The following LINGO2 variants were observed in gnomAD, a reference collection of about 807,000 sequenced individuals.
LINGO2 encodes the protein leucine-rich repeat and immunoglobulin-like domain-containing nogo receptor-interacting protein 2.
A neutral mutation model predicts 30.6 loss-of-function variants in LINGO2; 14 were observed. That is an observed-to-expected ratio of 0.46 (90% CI 0.30 to 0.72). The LOEUF (loss-of-function observed/expected upper bound fraction) is 0.72. Ranked by LOEUF, LINGO2 falls within the 30% of genes least tolerant of loss-of-function variation. LINGO2 has a pLI of 0.07. For synonymous variants in LINGO2, 317 were observed against 288.5 expected, an observed-to-expected ratio of 1.10 and a Z score of -1.00; for missense variants, 729 against 751.7, an observed-to-expected ratio of 0.97 and a Z score of 0.35.
chr9:28,858,274 T>G, the LINGO2 span, among the ~76,000 whole-genome samples: 2 of 152,022 alleles, frequency 1.3e-5, no homozygotes, highest in African/African-American at 4.8e-5. Flanking sequence ...GATTTCTGAC[T>G]TCACAGATTC....
chr9:28,012,260 G>A (rs931585228), intron 5 of LINGO2: 1 of 152,118 alleles, frequency 6.6e-6, no homozygotes, highest in African/African-American at 2.4e-5. Context: ...CTACACATGG[G>A]GAGGATGTGA....
chr9:28,837,064 T>C, the LINGO2 span, among the ~76,000 whole-genome samples: 2 of 152,358 alleles, frequency 1.3e-5, no homozygotes, highest in East Asian at 3.9e-4. Flanking sequence ...TTTGTGAGTA[T>C]GATTTTGAAC....
chr9:29,064,331 GC>G, the LINGO2 span, among the ~76,000 whole-genome samples: 5 of 151,874 alleles, frequency 3.3e-5, no homozygotes, highest in South Asian at 8.3e-4. Flanking sequence ...AGTTTTAAAT[GC>G]CTTCATAGAT....
chr9:28,080,289 C>T lies in LINGO2; in HGVS notation c.-86-67884G>A, dbSNP rs565502777. ...AAATTTCTACCATGGCATATGACCT[C>T]CTACCTGATCGGGTCTGGTGGAGTT... On this transcript the variant is annotated intron_variant, in intron 4 of 5. Transcript: ENST00000379992. Among the ~76,000 whole-genome samples, 19 of 152,288 alleles carry T rather than the reference C, an allele frequency of 1.2e-4. No homozygotes were observed. The East Asian group carries it at 3.5e-3, about 28-fold the overall frequency.
At chr9:28,390,419 T>C (rs1484218669) in intron 2 of LINGO2, among the ~76,000 whole-genome samples, 2 of 152,172 alleles carry the variant, frequency 1.3e-5, no homozygotes, top group Non-Finnish European at 2.9e-5. Context: ...TTATATCACT[T>C]TGTGTATCAA....
intron 1 of LINGO2, among the ~76,000 whole-genome samples, chr9:28,476,436 C>A (rs1259999500): frequency 6.6e-6 from 1 of 152,046 alleles, no homozygotes. Flanking sequence ...CCACCACGCC[C>A]GGCTAATTTT....
At chr9:28,070,241 T>C (rs1825434488) in intron 4 of LINGO2, among the ~76,000 whole-genome samples, 1 of 152,134 alleles carries the variant, frequency 6.6e-6, no homozygotes, top group African/African-American at 2.4e-5. Flanking sequence ...TCTATTAGTT[T>C]ACCAGAAAAC....
chr9:28,816,255 C>T, the LINGO2 span, among the ~76,000 whole-genome samples: 1 of 152,188 alleles, frequency 6.6e-6, no homozygotes, highest in African/African-American at 2.4e-5. Context: ...TTGGGGGACA[C>T]ATTTAAACCA....
At chr9:28,946,334 C>T in the LINGO2 span, among the ~76,000 whole-genome samples, 20,776 of 151,902 alleles carry the variant, frequency 0.14, 1,521 homozygotes, top group African/African-American at 0.2. Context: ...AAAATCAATC[C>T]GAAGCTGGAC....
At chr9:28,924,193 G>A in the LINGO2 span, among the ~76,000 whole-genome samples, 111,395 of 151,848 alleles carry the variant, frequency 0.73, 41,056 homozygotes, top group Non-Finnish European at 0.78. Flanking sequence ...CAGCCTTTGC[G>A]CAAGTGATTT....
chr9:28,849,794 C>A, the LINGO2 span, among the ~76,000 whole-genome samples: 1 of 152,040 alleles, frequency 6.6e-6, no homozygotes, highest in Non-Finnish European at 1.5e-5. Flanking sequence ...CACATTTCTT[C>A]CAGGAAATCT....
At chr9:28,444,250 G>A (rs575803691) in intron 2 of LINGO2, among the ~76,000 whole-genome samples, 8 of 152,178 alleles carry the variant, frequency 5.3e-5, no homozygotes, top group South Asian at 2.1e-4. Context: ...GTGGTGAAAC[G>A]CTCTTAGACT....
At chr9:28,429,163 G>C (rs1321297969) in intron 2 of LINGO2, among the ~76,000 whole-genome samples, 2 of 152,110 alleles carry the variant, frequency 1.3e-5, no homozygotes, top group Non-Finnish European at 2.9e-5. Flanking sequence ...TCTGTTTAAA[G>C]AAAAATGAAA....
chr9:28,452,253 C>T (rs1587694052), intron 2 of LINGO2, among the ~76,000 whole-genome samples: 1 of 150,284 alleles, frequency 6.7e-6, no homozygotes, highest in South Asian at 2.2e-4. Context: ...GTGCACAGTC[C>T]CTGATCTCAA....
the LINGO2 span, among the ~76,000 whole-genome samples, chr9:28,821,481 G>T: frequency 8.5e-5 from 13 of 152,192 alleles, no homozygotes; most frequent in African/African-American, 1.2e-4. Flanking sequence ...ACAGATCACG[G>T]AAATTTGCAA....
At chr9:28,513,775 C>G (rs1316238464) in intron 1 of LINGO2, among the ~76,000 whole-genome samples, 9 of 152,098 alleles carry the variant, frequency 5.9e-5, no homozygotes, top group Admixed American at 5.9e-4. Flanking sequence ...TTTGAAGAAG[C>G]TTAGAGGTTG....
the LINGO2 span, among the ~76,000 whole-genome samples, chr9:29,031,321 C>T: frequency 5.9e-5 from 9 of 151,952 alleles, no homozygotes; most frequent in South Asian, 2.1e-4. Context: ...CTCTCTCTGT[C>T]GCCCAGGCTG....
the LINGO2 span, among the ~76,000 whole-genome samples, chr9:29,021,289 T>C: frequency 6.6e-6 from 1 of 152,164 alleles, no homozygotes; most frequent in South Asian, 2.1e-4. Context: ...TTTGAATGCG[T>C]CTGTGCCTCT....
intron 4 of LINGO2, among the ~76,000 whole-genome samples, chr9:28,292,962 C>G (rs139809466): frequency 6.6e-6 from 1 of 151,452 alleles, no homozygotes; most frequent in Non-Finnish European, 1.5e-5. Flanking sequence ...TTAGTAGAGA[C>G]GGGGTTTCAC....
Sources: gnomAD v4.1 joint callset for allele counts (sites outside exome capture counted in the v4.1 genomes callset) on GRCh38, gnomAD v4.1.1 for gene constraint, MANE v1.5 for transcripts, NCBI Gene and HGNC (gene_info 2026-07-23, HGNC 2026-07-21) for gene names.